TMEM132C: variants seen among roughly 807,000 people sequenced by gnomAD.
TMEM132C encodes the protein transmembrane protein 132C.
Under a neutral mutation model 61.4 loss-of-function variants are expected in TMEM132C, and 29 were observed. The ratio of observed to expected loss-of-function variants is 0.47; its 90% CI spans 0.35 to 0.64. The LOEUF (loss-of-function observed/expected upper bound fraction) is 0.64, where lower values mean the gene tolerates loss of function less well. Among genes scored for constraint, TMEM132C ranks in the 30% least tolerant of loss-of-function variants. TMEM132C has a pLI of 0.00. For synonymous variants in TMEM132C, 656 were observed against 633.1 expected (o/e 1.04, Z -0.54); for missense variants, 1,408 against 1,476.9 (o/e 0.95, Z 0.76).
intron 2 of TMEM132C, among the ~76,000 whole-genome samples, chr12:128,440,539 A>G (rs1475994383): frequency 2.0e-5 from 3 of 152,196 alleles, no homozygotes; most frequent in Non-Finnish European, 2.9e-5. Flanking sequence ...CTGGGACCAC[A>G]TCTCTGCTGC....
chr12:128,624,842 C>T (rs1954000131), intron 4 of TMEM132C, among the ~76,000 whole-genome samples: 4 of 152,124 alleles, frequency 2.6e-5, no homozygotes, highest in Admixed American at 6.5e-5. Flanking sequence ...CCTACTGAGT[C>T]GGGGAGGTAG....
At chr12:128,436,196 C>G (rs949268266) in intron 2 of TMEM132C, among the ~76,000 whole-genome samples, 1 of 152,110 alleles carries the variant, frequency 6.6e-6, no homozygotes, top group African/African-American at 2.4e-5. Flanking sequence ...CATAAAAACC[C>G]TAGAAGAAAA....
chr12:128,364,153 A>G (rs78966322), intron 1 of TMEM132C, among the ~76,000 whole-genome samples: 19,533 of 152,122 alleles, frequency 0.13, 1,442 homozygotes, highest in East Asian at 0.35. Context: ...GACCTGACCC[A>G]TAACCACATT....
chr12:128,631,684 G>C (rs773380610), intron 4 of TMEM132C, among the ~76,000 whole-genome samples: 4 of 152,180 alleles, frequency 2.6e-5, no homozygotes, highest in Non-Finnish European at 5.9e-5. Flanking sequence ...GGCACAGTTG[G>C]TTCCAGGTGC....
chr12:128,361,027 C>A (rs1272544584), intron 1 of TMEM132C, among the ~76,000 whole-genome samples: 1 of 152,170 alleles, frequency 6.6e-6, no homozygotes, highest in Non-Finnish European at 1.5e-5. Flanking sequence ...GCATTGGACA[C>A]CCAGAAGTAA....
At chr12:128,386,829 T>C (rs1874598637) in intron 1 of TMEM132C, among the ~76,000 whole-genome samples, 1 of 152,080 alleles carries the variant, frequency 6.6e-6, no homozygotes, top group Non-Finnish European at 1.5e-5. Context: ...GAAGATGTGA[T>C]TGATAAAACT....
rs541148235 is a variant in TMEM132C, at chr12:128,333,308, GTGTA to G, written c.85+65829_85+65832del. On this transcript the variant is annotated intron_variant, in intron 1 of 8. Coordinates refer to ENST00000435159, the MANE Select transcript of TMEM132C (RefSeq NM_001136103.3). ...GAGTGTTGTATGTATGTGGTGCTGT[GTGTA>G]TGTATGTGTGTGCGAGTGTTGTGTG... 6.0e-4 allele frequency among the ~76,000 whole-genome samples: 91 copies of G among 152,060 alleles called. 1 individual carries two copies. Among genetic ancestry groups the G allele is most frequent in the Middle Eastern group, 3.4e-3 (1 of 294 alleles).
intron 1 of TMEM132C, among the ~76,000 whole-genome samples, chr12:128,360,958 C>A (rs1873690767): frequency 2.0e-5 from 3 of 152,286 alleles, no homozygotes; most frequent in Non-Finnish European, 4.4e-5. Flanking sequence ...CCATATTTCT[C>A]ATTCACTGAC....
rs5801788 is a variant in TMEM132C, at chr12:128,287,484, C to CATATCTATATCTATATCT, written c.85+20024_85+20041dup. Among the ~76,000 whole-genome samples, 641 of 150,054 alleles carry CATATCTATATCTATATCT rather than the reference C, an allele frequency of 4.3e-3. 7 individuals are homozygous for CATATCTATATCTATATCT. In the East Asian group the frequency reaches 0.046, roughly 11 times the overall value. On this transcript the variant is annotated intron_variant, in intron 1 of 8. Coordinates refer to ENST00000435159, the MANE Select transcript of TMEM132C (RefSeq NM_001136103.3). ...TTCTCTCTCTCTCCCCCTCTGTCTG[C>CATATCTATATCTATATCT]ATATCTATATCTATATCTATATCTA...
chr12:128,469,009 G>T (rs188016469), intron 2 of TMEM132C, among the ~76,000 whole-genome samples: 1 of 152,254 alleles, frequency 6.6e-6, no homozygotes, highest in East Asian at 1.9e-4. Context: ...TTTCTTAGGT[G>T]TTAGAAACAC....
chr12:128,498,629 C>T (rs1419257436), intron 2 of TMEM132C, among the ~76,000 whole-genome samples: 1 of 152,064 alleles, frequency 6.6e-6, no homozygotes, highest in Admixed American at 6.6e-5. Flanking sequence ...AAGCTGGGAT[C>T]ATGCCACTGC....
At chr12:128,511,734 C>G (rs1332949207) in intron 2 of TMEM132C, among the ~76,000 whole-genome samples, 1 of 152,176 alleles carries the variant, frequency 6.6e-6, no homozygotes, top group Admixed American at 6.5e-5. Flanking sequence ...TGTCCCCAGC[C>G]CCAGGAGGTG....
In TMEM132C at chr12:128,481,920, G is replaced by A. The variant is rs115818713; in HGVS notation, c.975-62037G>A. On this transcript the variant is annotated intron_variant, in intron 2 of 8. Coordinates refer to ENST00000435159, the MANE Select transcript of TMEM132C (RefSeq NM_001136103.3). ...TGAGAAGCCTTTGCAGAACCCTGGA[G>A]CATGTGGAAGGTACACACATGAGGG... Among the ~76,000 whole-genome samples the A allele has an allele frequency of 4.5e-3, 680 of 152,250 alleles. 4 individuals are homozygous for A. The highest frequency in any genetic ancestry group is 0.016 in the African/African-American group (650 of 41,546).
chr12:128,273,371 T>C (rs2135891318), intron 1 of TMEM132C, among the ~76,000 whole-genome samples: 1 of 152,282 alleles, frequency 6.6e-6, no homozygotes, highest in East Asian at 1.9e-4. Context: ...CTCAGCTTTC[T>C]TTTGATTGGT....
At chr12:128,394,547 A>C (rs1368539330) in intron 1 of TMEM132C, among the ~76,000 whole-genome samples, 1 of 152,244 alleles carries the variant, frequency 6.6e-6, no homozygotes, top group Admixed American at 6.5e-5. Context: ...CTGGGTACTC[A>C]CAAAGGAAAA....
At chr12:128,606,594 C>G (rs1876436118) in intron 3 of TMEM132C, among the ~76,000 whole-genome samples, 1 of 152,212 alleles carries the variant, frequency 6.6e-6, no homozygotes, top group Non-Finnish European at 1.5e-5. Flanking sequence ...AGACTTCCAC[C>G]TGGCTGTGGT....
chr12:128,674,578 T>C (rs895305872), intron 5 of TMEM132C, among the ~76,000 whole-genome samples: 1 of 152,210 alleles, frequency 6.6e-6, no homozygotes, highest in Admixed American at 6.5e-5. Flanking sequence ...TCACGAGTCA[T>C]ATCTGAGGGT....
At chr12:128,510,592 G>A (rs754646780) in intron 2 of TMEM132C, among the ~76,000 whole-genome samples, 4 of 152,160 alleles carry the variant, frequency 2.6e-5, no homozygotes, top group Admixed American at 6.5e-5. Flanking sequence ...TTTCTGCATC[G>A]CTGGAGCTGG....
intron 1 of TMEM132C, among the ~76,000 whole-genome samples, chr12:128,328,810 A>AG: frequency 6.8e-6 from 1 of 147,402 alleles, no homozygotes; most frequent in East Asian, 2.0e-4. Context: ...AAAAAAAAAA[A>AG]GGCTAAAGCC....
Sources: allele counts gnomAD v4.1 joint callset (sites outside exome capture counted in the v4.1 genomes callset), GRCh38; gene constraint gnomAD v4.1.1; transcripts MANE v1.5; gene names NCBI Gene and HGNC (gene_info 2026-07-23, HGNC 2026-07-21).